Variants in UNC13C observed in about 807,000 individuals in gnomAD.
The protein encoded by UNC13C is unc-13 homolog C.
In UNC13C, 174 loss-of-function variants were observed where a neutral mutation model predicts 245.4. The observed-to-expected ratio is 0.71, with a 90% CI of 0.63 to 0.80. The LOEUF is 0.80. Among genes scored for constraint, UNC13C ranks in the 30% least tolerant of loss-of-function variants. The pLI is 0.00. For missense variants in UNC13C, 2,829 were observed against 2,602.9 expected (o/e 1.09, Z -1.89); for synonymous variants, 992 against 895.1 (o/e 1.11, Z -1.93).
chr15:53,932,787 C>T, the UNC13C span, among the ~76,000 whole-genome samples: 1 of 152,192 alleles, frequency 6.6e-6, no homozygotes, highest in Non-Finnish European at 1.5e-5. Context: ...GCCCTTAAGT[C>T]CCATGCATAC....
chr15:54,503,464 T>A (rs1894321704), intron 22 of UNC13C, among the ~76,000 whole-genome samples: 1 of 149,044 alleles, frequency 6.7e-6, no homozygotes, highest in Admixed American at 6.7e-5. Context: ...TGAGACAGAG[T>A]CTCACTCTGT....
At chr15:54,203,499 TATATAC>T (rs1209036367) in intron 4 of UNC13C, among the ~76,000 whole-genome samples, 4 of 140,236 alleles carry the variant, frequency 2.9e-5, no homozygotes, top group African/African-American at 8.4e-5. Context: ...TATATATATA[TATATAC>T]ACACACACAC....
chr15:54,544,290 C>T (rs766522734), intron 26 of UNC13C, among the ~76,000 whole-genome samples: 4 of 152,098 alleles, frequency 2.6e-5, no homozygotes, highest in Admixed American at 6.6e-5. Context: ...ATTGATGGAA[C>T]GTATCTCAAA....
At chr15:53,847,750 C>A in the UNC13C span, among the ~76,000 whole-genome samples, 2 of 151,914 alleles carry the variant, frequency 1.3e-5, no homozygotes, top group African/African-American at 2.4e-5. Flanking sequence ...ACAGGGATGA[C>A]CCAGTGGAAC....
At chr15:54,403,539 A>G (rs1440103981) in intron 18 of UNC13C, among the ~76,000 whole-genome samples, 2 of 151,786 alleles carry the variant, frequency 1.3e-5, no homozygotes, top group East Asian at 3.9e-4. Flanking sequence ...ACATAGTGAG[A>G]CCCCGTCTCT....
At chr15:54,388,143 C>A (rs964979801) in intron 17 of UNC13C, among the ~76,000 whole-genome samples, 2 of 152,148 alleles carry the variant, frequency 1.3e-5, no homozygotes, top group African/African-American at 4.8e-5. Context: ...CCTGTCCTGC[C>A]TTTTTCACTC....
intron 8 of UNC13C, among the ~76,000 whole-genome samples, chr15:54,262,909 G>A (rs1010483256): frequency 2.0e-5 from 3 of 152,092 alleles, no homozygotes; most frequent in Non-Finnish European, 2.9e-5. Context: ...TTTATCATAA[G>A]TAAAGTTAAT....
At chr15:54,626,505 AAGAGGTACCC>A (rs1566947353) in intron 32 of UNC13C, among the ~76,000 whole-genome samples, 1 of 152,090 alleles carries the variant, frequency 6.6e-6, no homozygotes. Flanking sequence ...AAATTCTACC[AAGAGGTACCC>A]ATTACCCTGG....
At chr15:53,851,524 C>T in the UNC13C span, among the ~76,000 whole-genome samples, 1 of 152,182 alleles carries the variant, frequency 6.6e-6, no homozygotes, top group Non-Finnish European at 1.5e-5. Context: ...ATCTCTCTCT[C>T]TCTCTCTTTC....
intron 10 of UNC13C, among the ~76,000 whole-genome samples, chr15:54,272,323 T>C (rs1430774832): frequency 6.6e-6 from 1 of 152,200 alleles, no homozygotes; most frequent in Non-Finnish European, 1.5e-5. Context: ...CAGTTAAGCA[T>C]AAACTAAGCT....
At position 54,318,231 on chromosome 15, in the gene UNC13C, A is replaced by C. The variant is rs1321926728; in HGVS notation, c.4269-3708A>C. Among the ~76,000 whole-genome samples, 3 of 152,022 alleles carry C rather than the reference A, an allele frequency of 2.0e-5. No individual in the cohort carries two copies. In the East Asian group the frequency reaches 5.8e-4, roughly 30 times the overall value. On this transcript the variant is annotated intron_variant, in intron 13 of 32. Coordinates refer to ENST00000260323, the MANE Select transcript of UNC13C (RefSeq NM_001080534.3). ...GACGTGCTGATTTCGTCTTATTTGTAGATATATCCATTAATGGGAATGATG... is the reference window on the plus strand; with the variant it reads ...GACGTGCTGATTTCGTCTTATTTGTCGATATATCCATTAATGGGAATGATG...
intron 4 of UNC13C, among the ~76,000 whole-genome samples, chr15:54,186,749 A>T (rs887534638): frequency 6.6e-6 from 1 of 151,564 alleles, no homozygotes; most frequent in Non-Finnish European, 1.5e-5. Flanking sequence ...TGGAGAAGTA[A>T]GTGTGTCCCT....
rs191845716 is a variant in UNC13C, at chr15:54,598,372, G to A, written c.6107-23955G>A. ...GGCCTCCCAAAGTGCTGGGATTACC[G>A]GCATGAGCCACCGCGCCCAGCCTGA... is the stretch of plus-strand genomic sequence containing the variant. On this transcript the variant is annotated intron_variant, in intron 30 of 32. Transcript: ENST00000260323. Among the ~76,000 whole-genome samples, 1,207 of 152,290 alleles carry A rather than the reference G, an allele frequency of 7.9e-3. 14 individuals are homozygous for A. The highest frequency in any genetic ancestry group is 0.028 in the African/African-American group (1,160 of 41,552).
At chr15:54,511,485 G>T (rs1894736146) in intron 23 of UNC13C, among the ~76,000 whole-genome samples, 2 of 152,010 alleles carry the variant, frequency 1.3e-5, no homozygotes, top group South Asian at 4.1e-4. Flanking sequence ...ATGTTACAAT[G>T]TTAAAGATAA....
At chr15:54,472,069 A>T (rs1892493109) in intron 19 of UNC13C, among the ~76,000 whole-genome samples, 1 of 151,672 alleles carries the variant, frequency 6.6e-6, no homozygotes, top group South Asian at 2.1e-4. Flanking sequence ...CACTGGTTTC[A>T]TGGCTTTCTG....
At chr15:54,271,811 A>G (rs893997165) in intron 10 of UNC13C, among the ~76,000 whole-genome samples, 4 of 152,246 alleles carry the variant, frequency 2.6e-5, no homozygotes, top group Admixed American at 6.5e-5. Flanking sequence ...CCTCATTTAT[A>G]GTAGCATTGA....
intron 2 of UNC13C, among the ~76,000 whole-genome samples, chr15:54,080,250 A>G (rs1015098140): frequency 8.6e-5 from 13 of 151,988 alleles, no homozygotes; most frequent in African/African-American, 2.9e-4. Context: ...TTTGGGGTCT[A>G]CGTTCATCAA....
intron 4 of UNC13C, among the ~76,000 whole-genome samples, chr15:54,224,535 G>C (rs1225816207): frequency 6.6e-6 from 1 of 152,114 alleles, no homozygotes; most frequent in Non-Finnish European, 1.5e-5. Flanking sequence ...CGGTTTGCTA[G>C]TATTTTGTTA....
intron 2 of UNC13C, among the ~76,000 whole-genome samples, chr15:54,060,235 ATCC>A (rs1253534678): frequency 6.6e-6 from 1 of 152,234 alleles, no homozygotes; most frequent in Non-Finnish European, 1.5e-5. Context: ...GAGGGCTAAT[ATCC>A]AGAATCTACA....
Sources: allele counts gnomAD v4.1 joint callset (sites outside exome capture counted in the v4.1 genomes callset), GRCh38; gene constraint gnomAD v4.1.1; transcripts MANE v1.5; gene names NCBI Gene and HGNC (gene_info 2026-07-23, HGNC 2026-07-21).